Variants in ZNF804B observed in about 807,000 individuals in gnomAD.
The protein encoded by ZNF804B is zinc finger protein 804B.
In ZNF804B, 80 loss-of-function variants were observed where a neutral mutation model predicts 101.4. The observed-to-expected ratio is 0.79, with a 90% CI of 0.66 to 0.95. The LOEUF (loss-of-function observed/expected upper bound fraction) is 0.95, where lower values mean the gene tolerates loss of function less well. ZNF804B is among the 40% of genes least tolerant of loss of function. The probability of loss-of-function intolerance (pLI) is 0.00; values close to 1 mark genes in which losing one functional copy is unlikely to be tolerated. For synonymous variants in ZNF804B, 622 were observed against 558.8 expected, an observed-to-expected ratio of 1.11 and a Z score of -1.59; for missense variants, 1,673 against 1,561.9, an observed-to-expected ratio of 1.07 and a Z score of -1.20.
intron 2 of ZNF804B, among the ~76,000 whole-genome samples, chr7:89,251,185 A>G (rs1378823101): frequency 6.6e-6 from 1 of 152,214 alleles, no homozygotes; most frequent in Non-Finnish European, 1.5e-5. Flanking sequence ...TTCTATAGCT[A>G]CAAAACTCTA....
intron 1 of ZNF804B, among the ~76,000 whole-genome samples, chr7:88,841,914 T>C (rs1340448712): frequency 6.6e-6 from 1 of 152,200 alleles, no homozygotes. Context: ...CAAACACTCG[T>C]GTAATACAGA....
intron 1 of ZNF804B, among the ~76,000 whole-genome samples, chr7:89,092,079 G>T (rs1052093622): frequency 6.6e-6 from 1 of 152,022 alleles, no homozygotes; most frequent in Non-Finnish European, 1.5e-5. Flanking sequence ...TTGTTCTGGA[G>T]GCTGAGAAAT....
chr7:88,964,651 A>C (rs1453331511), intron 1 of ZNF804B, among the ~76,000 whole-genome samples: 1 of 151,504 alleles, frequency 6.6e-6, no homozygotes, highest in African/African-American at 2.4e-5. Flanking sequence ...CTGAATTGTA[A>C]ACTTAACAAC....
At chr7:89,149,353 G>GT (rs1463129673) in intron 1 of ZNF804B, among the ~76,000 whole-genome samples, 1 of 152,016 alleles carries the variant, frequency 6.6e-6, no homozygotes, top group African/African-American at 2.4e-5. Context: ...AAGAATTTCA[G>GT]TTTTTTAAAC....
intron 2 of ZNF804B, among the ~76,000 whole-genome samples, chr7:89,263,625 T>G (rs1342399427): frequency 1.3e-5 from 2 of 152,056 alleles, no homozygotes; most frequent in Admixed American, 1.3e-4. Context: ...GCAGGTGTCA[T>G]TAAGTTTAGA....
intron 1 of ZNF804B, among the ~76,000 whole-genome samples, chr7:89,198,298 A>G (rs1363268941): frequency 6.6e-6 from 1 of 151,938 alleles, no homozygotes; most frequent in East Asian, 1.9e-4. Flanking sequence ...TCTTTTAGTT[A>G]GAAATGTTAT....
intron 2 of ZNF804B, among the ~76,000 whole-genome samples, chr7:89,299,311 C>A (rs1790443111): frequency 6.6e-6 from 1 of 151,838 alleles, no homozygotes. Context: ...GTCACACAGC[C>A]CAAATGTCAG....
At chr7:89,075,779 C>T (rs1167420921) in intron 1 of ZNF804B, among the ~76,000 whole-genome samples, 2 of 152,160 alleles carry the variant, frequency 1.3e-5, no homozygotes, top group Non-Finnish European at 2.9e-5. Flanking sequence ...AACACCAGCC[C>T]ATAAAGGCAG....
At chr7:88,834,521 A>C (rs1359581654) in intron 1 of ZNF804B, among the ~76,000 whole-genome samples, 1 of 151,756 alleles carries the variant, frequency 6.6e-6, no homozygotes, top group Non-Finnish European at 1.5e-5. Flanking sequence ...AAGTAATAGA[A>C]AGTTCTTGAA....
chr7:89,216,361 G>T (rs1345466143), intron 1 of ZNF804B, among the ~76,000 whole-genome samples: 1 of 151,516 alleles, frequency 6.6e-6, no homozygotes, highest in Non-Finnish European at 1.5e-5. Context: ...GGTTTCCCTT[G>T]ATTCTAAGTC....
chr7:89,210,919 C>T (rs145237149), intron 1 of ZNF804B, among the ~76,000 whole-genome samples: 1 of 152,226 alleles, frequency 6.6e-6, no homozygotes, highest in Non-Finnish European at 1.5e-5. Flanking sequence ...TGAATTACTA[C>T]ACTGTTTTCC....
chr7:89,164,531 T>A (rs1361760532), intron 1 of ZNF804B, among the ~76,000 whole-genome samples: 2 of 152,104 alleles, frequency 1.3e-5, no homozygotes, highest in African/African-American at 4.8e-5. Flanking sequence ...AAGCTCTTAT[T>A]TTGATGGTTG....
At chr7:89,258,718 A>G (rs567869567) in intron 2 of ZNF804B, among the ~76,000 whole-genome samples, 1 of 152,316 alleles carries the variant, frequency 6.6e-6, no homozygotes, top group Non-Finnish European at 1.5e-5. Flanking sequence ...GTTAACACAT[A>G]TTTTGTAAAT....
intron 1 of ZNF804B, among the ~76,000 whole-genome samples, chr7:88,970,344 G>GCCCCCC (rs3034350): frequency 6.9e-6 from 1 of 144,062 alleles, no homozygotes; most frequent in Non-Finnish European, 1.5e-5. Context: ...TTATTCTGAT[G>GCCCCCC]CCCCCCCCCC....
intron 2 of ZNF804B, among the ~76,000 whole-genome samples, chr7:89,266,220 T>C (rs1789793733): frequency 1.3e-5 from 2 of 152,182 alleles, no homozygotes; most frequent in Non-Finnish European, 2.9e-5. Context: ...ACCCCTGCTG[T>C]TGCTATTTCT....
intron 1 of ZNF804B, among the ~76,000 whole-genome samples, chr7:88,842,931 C>T (rs1387640020): frequency 6.6e-6 from 1 of 152,048 alleles, no homozygotes; most frequent in African/African-American, 2.4e-5. Flanking sequence ...TTCTGCAATA[C>T]AGAAAATACA....
intron 1 of ZNF804B, among the ~76,000 whole-genome samples, chr7:89,130,113 G>GA (rs1790526338): frequency 6.6e-6 from 1 of 151,932 alleles, no homozygotes; most frequent in Non-Finnish European, 1.5e-5. Context: ...TTCACCAAGA[G>GA]AAAATGAAAC....
intron 1 of ZNF804B, among the ~76,000 whole-genome samples, chr7:88,783,271 G>A (rs543560712): frequency 9.4e-4 from 143 of 152,250 alleles, no homozygotes; most frequent in African/African-American, 3.3e-3. Context: ...TAACAGTAAT[G>A]TGTGGATTTT....
intron 1 of ZNF804B, among the ~76,000 whole-genome samples, chr7:88,947,033 A>G (rs1312426194): frequency 6.6e-6 from 1 of 151,964 alleles, no homozygotes; most frequent in African/African-American, 2.4e-5. Flanking sequence ...TGGAGAGGAT[A>G]TAGAGAATTA....
Sources: gnomAD v4.1 joint callset for allele counts (sites outside exome capture counted in the v4.1 genomes callset) on GRCh38, gnomAD v4.1.1 for gene constraint, MANE v1.5 for transcripts, NCBI Gene and HGNC (gene_info 2026-07-23, HGNC 2026-07-21) for gene names.